ANO3: variants seen among roughly 807,000 people sequenced by gnomAD.
The protein encoded by ANO3 is anoctamin 3, also known as anoctamin-3.
ANO3 carries 99 observed loss-of-function variants against 144.8 expected under a neutral mutation model. The ratio of observed to expected loss-of-function variants is 0.68; its 90% CI spans 0.58 to 0.81. The LOEUF (loss-of-function observed/expected upper bound fraction) is 0.81, where lower values mean the gene tolerates loss of function less well. Among genes scored for constraint, ANO3 ranks in the 30% least tolerant of loss-of-function variants. ANO3 has a pLI of 0.00. For missense variants in ANO3, 905 were observed against 1,202.2 expected, an observed-to-expected ratio of 0.75 and a Z score of 3.66; for synonymous variants, 414 against 392.6, an observed-to-expected ratio of 1.05 and a Z score of -0.64.
chr11:26,236,159 T>C (rs890011096), intron 1 of ANO3, among the ~76,000 whole-genome samples: 4 of 152,176 alleles, frequency 2.6e-5, no homozygotes, highest in African/African-American at 4.8e-5. Flanking sequence ...GCTTTCTATA[T>C]ATGAACATTC....
chr11:26,491,113 C>A (rs1259734615), intron 4 of ANO3, among the ~76,000 whole-genome samples: 2 of 152,150 alleles, frequency 1.3e-5, no homozygotes, highest in Non-Finnish European at 2.9e-5. Context: ...TTGCTGTCTT[C>A]TCTGATAAAT....
chr11:26,191,967 G>A (rs1470955827), intron 1 of ANO3, among the ~76,000 whole-genome samples: 1 of 151,948 alleles, frequency 6.6e-6, no homozygotes, highest in Non-Finnish European at 1.5e-5. Context: ...ATTGTTTGTG[G>A]CTTATGCATG....
At chr11:26,324,790 G>A (rs775954785) in intron 1 of ANO3, among the ~76,000 whole-genome samples, 8 of 152,076 alleles carry the variant, frequency 5.3e-5, no homozygotes, top group Non-Finnish European at 8.8e-5. Context: ...ATGTAACAAC[G>A]AAAATACACA....
At chr11:26,495,087 A>AT (rs1360258948) in intron 4 of ANO3, among the ~76,000 whole-genome samples, 5 of 26,182 alleles carry the variant, frequency 1.9e-4, no homozygotes, top group African/African-American at 4.3e-4. Context: ...TTATTTATTT[A>AT]TTTATTTATT....
At chr11:26,216,194 G>C (rs1476427488) in intron 1 of ANO3, among the ~76,000 whole-genome samples, 3 of 151,924 alleles carry the variant, frequency 2.0e-5, no homozygotes. Context: ...TATTAGGGTT[G>C]CCTCTTTGTG....
At chr11:26,552,930 G>T (rs969572614) in intron 12 of ANO3, among the ~76,000 whole-genome samples, 2 of 147,320 alleles carry the variant, frequency 1.4e-5, no homozygotes, top group Non-Finnish European at 3.0e-5. Context: ...TTGGTATACC[G>T]CACAAGATTA....
rs549851013 is a variant in ANO3 at position 26,220,604 on chromosome 11, G to A, written c.154+31274G>A. ...GAAATTGAGGAATATCTGGTGAACCGTGAAGGCATTCTCATTGGAGGAGAC... is the reference window on the plus strand; with the variant it reads ...GAAATTGAGGAATATCTGGTGAACCATGAAGGCATTCTCATTGGAGGAGAC... On this transcript the variant is annotated intron_variant, in intron 1 of 27. Transcript: ENST00000672621. Among the ~76,000 whole-genome samples, 293 of 152,330 alleles carry A rather than the reference G, an allele frequency of 1.9e-3. 1 individual carries two copies. The highest frequency in any genetic ancestry group is 3.0e-3 in the Non-Finnish European group (206 of 68,026).
chr11:26,486,194 C>T (rs1271347459), intron 4 of ANO3, among the ~76,000 whole-genome samples: 1 of 151,850 alleles, frequency 6.6e-6, no homozygotes, highest in Non-Finnish European at 1.5e-5. Context: ...AACCCTGTCT[C>T]TACTAAAAAT....
intron 1 of ANO3, among the ~76,000 whole-genome samples, chr11:26,246,208 G>A (rs1332851926): frequency 6.6e-6 from 1 of 152,038 alleles, no homozygotes; most frequent in East Asian, 1.9e-4. Context: ...TATTCTTTCT[G>A]AAGGTGAATT....
intron 1 of ANO3, among the ~76,000 whole-genome samples, chr11:26,384,499 G>T (rs1407730677): frequency 6.6e-6 from 1 of 152,262 alleles, no homozygotes; most frequent in East Asian, 1.9e-4. Flanking sequence ...AGGAGTAAAT[G>T]AAAATCTTTC....
intron 1 of ANO3, among the ~76,000 whole-genome samples, chr11:26,390,549 A>G (rs1271372391): frequency 1.3e-5 from 2 of 152,162 alleles, no homozygotes; most frequent in African/African-American, 4.8e-5. Context: ...ATAGAACACT[A>G]GAGCATCAGA....
At chr11:26,518,311 A>G (rs17243384) in intron 6 of ANO3, among the ~76,000 whole-genome samples, 16,700 of 152,070 alleles carry the variant, frequency 0.11, 1,291 homozygotes, top group Admixed American at 0.15. Context: ...TGATAATGGC[A>G]GGAATACTTG....
intron 1 of ANO3, among the ~76,000 whole-genome samples, chr11:26,247,181 A>T (rs1053173090): frequency 6.6e-6 from 1 of 152,188 alleles, no homozygotes; most frequent in South Asian, 2.1e-4. Flanking sequence ...TAAAAGACCA[A>T]TTATATTTTT....
intron 4 of ANO3, among the ~76,000 whole-genome samples, chr11:26,503,907 T>G (rs2134128918): frequency 6.6e-6 from 1 of 152,248 alleles, no homozygotes; most frequent in Non-Finnish European, 1.5e-5. Context: ...CTTTCTAATA[T>G]TTTTTTCCAC....
At chr11:26,585,522 T>C (rs1233684248) in intron 14 of ANO3, among the ~76,000 whole-genome samples, 2 of 152,182 alleles carry the variant, frequency 1.3e-5, no homozygotes, top group Non-Finnish European at 2.9e-5. Context: ...GTTCCTTTGC[T>C]CTTATATATC....
intron 1 of ANO3, among the ~76,000 whole-genome samples, chr11:26,316,930 A>C (rs1337985202): frequency 1.3e-5 from 2 of 152,142 alleles, no homozygotes; most frequent in Non-Finnish European, 2.9e-5. Context: ...TTGTATTTAC[A>C]ATAATCAGGA....
At chr11:26,378,202 T>A (rs1856467076) in intron 1 of ANO3, among the ~76,000 whole-genome samples, 1 of 151,422 alleles carries the variant, frequency 6.6e-6, no homozygotes, top group Admixed American at 6.6e-5. Context: ...AAATCTCAAC[T>A]AATGGGCAAT....
intron 1 of ANO3, among the ~76,000 whole-genome samples, chr11:26,215,189 C>T (rs1352074490): frequency 6.6e-6 from 1 of 151,860 alleles, no homozygotes; most frequent in East Asian, 1.9e-4. Flanking sequence ...GTGCATAGCC[C>T]ACATTTAAGG....
At chr11:26,368,543 AG>A (rs1856157529) in intron 1 of ANO3, among the ~76,000 whole-genome samples, 1 of 152,138 alleles carries the variant, frequency 6.6e-6, no homozygotes, top group Non-Finnish European at 1.5e-5. Flanking sequence ...GTGTAAGGAA[AG>A]GAAGGAAGAT....
Sources: allele counts gnomAD v4.1 joint callset (sites outside exome capture counted in the v4.1 genomes callset), GRCh38; gene constraint gnomAD v4.1.1; transcripts MANE v1.5; gene names NCBI Gene and HGNC (gene_info 2026-07-23, HGNC 2026-07-21).